Variants in BAIAP2 observed in about 807,000 individuals in gnomAD.
BAIAP2 encodes the protein BAR/IMD domain containing adaptor protein 2.
A neutral mutation model predicts 63.0 loss-of-function variants in BAIAP2; 18 were observed. The observed-to-expected ratio is 0.29, with a 90% CI of 0.20 to 0.42. The LOEUF is 0.42. Among genes scored for constraint, BAIAP2 ranks in the 10% least tolerant of loss-of-function variants. BAIAP2 has a pLI of 1.00. For missense variants in BAIAP2, 610 were observed against 734.3 expected (o/e 0.83, Z 1.96); for synonymous variants, 386 against 307.6 (o/e 1.25, Z -2.67).
At chr17:81,090,394 G>C (rs1303977030) in intron 6 of BAIAP2, among the ~76,000 whole-genome samples, 1 of 151,570 alleles carries the variant, frequency 6.6e-6, no homozygotes, top group Non-Finnish European at 1.5e-5. Context: ...TCCTTCCTCT[G>C]TCAATGGGAG....
intron 13 of BAIAP2, among the ~76,000 whole-genome samples, chr17:81,113,914 G>T (rs141656677): frequency 6.6e-6 from 1 of 151,660 alleles, no homozygotes; most frequent in Non-Finnish European, 1.5e-5. Flanking sequence ...CACTGCCCTC[G>T]GCTGTGGTCT....
At chr17:81,103,475 C>T (rs1185177745) in intron 7 of BAIAP2, 27 bp from the exon 8 acceptor site, 1 of 1,540,104 alleles carries the variant, frequency 6.5e-7, no homozygotes, top group Non-Finnish European at 8.7e-7. Context: ...GGCCCTGACC[C>T]CTCCCTTCCT....
intron 3 of BAIAP2, among the ~76,000 whole-genome samples, chr17:81,081,231 A>G (rs112139271): frequency 2.6e-5 from 4 of 152,314 alleles, no homozygotes; most frequent in African/African-American, 9.6e-5. Context: ...CGTGGTGTCC[A>G]TCCTGGGAAT....
At position 81,099,948 on chromosome 17, in the gene BAIAP2, C is replaced by T. The variant is rs762140948; in HGVS notation, c.510C>T (p.Asn170=). The change falls in exon 7 of 14, where the codon AAC becomes AAT. Residue 170 remains asparagine (N), a synonymous_variant. Transcript: ENST00000428708. ...KELQYIDAIS[N]KQGELENYVS... is the part of the protein sequence containing the mutation. Reference sequence around the variant, plus strand: ...CACAGTACATCGACGCCATCAGCAACAAGCAGGGCGAGCTGGAGAATTACG... The same window carrying T: ...CACAGTACATCGACGCCATCAGCAATAAGCAGGGCGAGCTGGAGAATTACG... 2.5e-6 allele frequency: 4 copies of T among 1,613,296 alleles called. No homozygotes were observed. In the African/African-American group the frequency reaches 4.0e-5, roughly 16 times the overall value.
At chr17:81,114,164 G>T (rs1302756468) in intron 13 of BAIAP2, among the ~76,000 whole-genome samples, 2 of 143,420 alleles carry the variant, frequency 1.4e-5, no homozygotes, top group African/African-American at 5.3e-5. Flanking sequence ...TTGTAGAGAC[G>T]GGTACGCTTT....
intron 3 of BAIAP2, among the ~76,000 whole-genome samples, chr17:81,080,731 C>T (rs1404237247): frequency 2.0e-5 from 3 of 152,082 alleles, no homozygotes; most frequent in East Asian, 1.9e-4. Flanking sequence ...CAGAATGTGG[C>T]GGGAACCAGG....
At chr17:81,102,620 A>G (rs1207642080) in intron 7 of BAIAP2, among the ~76,000 whole-genome samples, 1 of 152,212 alleles carries the variant, frequency 6.6e-6, no homozygotes, top group Admixed American at 6.5e-5. Flanking sequence ...AGCCAGCAGC[A>G]GAGGGGTAGG....
intron 1 of BAIAP2, chr17:81,053,424 G>T (rs762126538): frequency 1.5e-5 from 8 of 542,374 alleles, no homozygotes; most frequent in Non-Finnish European, 2.6e-5. Flanking sequence ...ACTCCTCTGC[G>T]GCCGGGTTTC....
rs1471205667 is a variant in BAIAP2 at position 81,116,358 on chromosome 17, T to C, written c.*519T>C. The C allele has an allele frequency of 4.4e-6, 7 of 1,604,432 alleles. No homozygotes were observed. In the African/African-American group the frequency reaches 8.0e-5, roughly 18 times the overall value. ...AGGTCCGGCAGCTACACCTGGAGTGTGGGGCCTGGTCCCTCCCCATGCCCC... is the reference window on the plus strand; with the variant it reads ...AGGTCCGGCAGCTACACCTGGAGTGCGGGGCCTGGTCCCTCCCCATGCCCC... On this transcript the variant is annotated 3_prime_UTR_variant, in exon 14 of 14. Transcript: ENST00000428708.
In BAIAP2 at chr17:81,057,951, G is replaced by C. The variant is rs1159158244; in HGVS notation, c.201G>C (p.Gln67His). Residue 67 changes from glutamine to histidine, a missense_variant, in exon 3 of 14, where the codon CAG becomes CAC. Coordinates refer to ENST00000428708, the MANE Select transcript of BAIAP2 (RefSeq NM_001144888.2). ...VKMGELASES[Q>H]GSKELGDVLF... The stretch of plus-strand genomic sequence containing the variant: ...TGGGGGAGCTGGCCAGCGAGAGCCA[G>C]GGCTCCAAAGAACTCGGTGAGACCC... The C allele has an allele frequency of 6.5e-7, 1 of 1,531,728 alleles. No individual in the cohort carries two copies. The highest frequency in any genetic ancestry group is 1.4e-5 in the African/African-American group (1 of 69,470). 94.9% of individuals were successfully genotyped at this position (1,531,728 alleles called of 1,614,324 possible).
At chr17:81,039,930 G>C (rs1598477393) in intron 1 of BAIAP2, among the ~76,000 whole-genome samples, 1 of 152,340 alleles carries the variant, frequency 6.6e-6, no homozygotes, top group South Asian at 2.1e-4. Flanking sequence ...CTTCTCCCCA[G>C]TTCACAGGTC....
At chr17:81,076,083 G>T (rs1598653172) in intron 3 of BAIAP2, among the ~76,000 whole-genome samples, 1 of 152,176 alleles carries the variant, frequency 6.6e-6, no homozygotes, top group South Asian at 2.1e-4. Flanking sequence ...TGAGGCAGGG[G>T]CTCCCCAGAG....
chr17:81,067,083 C>T (rs967266673), intron 3 of BAIAP2, among the ~76,000 whole-genome samples: 1 of 152,254 alleles, frequency 6.6e-6, no homozygotes, highest in Admixed American at 6.5e-5. Context: ...GAGAGGGAAG[C>T]GAGATGCCCC....
intron 3 of BAIAP2, chr17:81,076,527 A>G (rs1598655376): frequency 6.6e-6 from 1 of 152,182 alleles, no homozygotes; most frequent in Admixed American, 6.5e-5. Context: ...AGGAAGACAG[A>G]TGGTGTGCAG....
chr17:81,057,972 G>GGGGGGGGGGGGGGCCCCCC lies in BAIAP2; in HGVS notation c.217+5_217+6insGGGGGGGGGGGGGCCCCCC. On this transcript the variant is annotated splice_donor_region_variant and intron_variant, in intron 3 of 13. Coordinates refer to ENST00000428708, the MANE Select transcript of BAIAP2 (RefSeq NM_001144888.2). ...GCCAGGGCTCCAAAGAACTCGGTGAGACCCCCCCCCCCCCCCCGCCTGGTA... is the reference window on the plus strand; with the variant it reads ...GCCAGGGCTCCAAAGAACTCGGTGAGGGGGGGGGGGGGGCCCCCCACCCCCCCCCCCCCCCCGCCTGGTA... The GGGGGGGGGGGGGGCCCCCC allele has an allele frequency of 1.1e-6, 1 of 911,328 alleles. No homozygotes were observed. The allele number at this position is 911,328 out of a possible 1,614,324, so 56.5% of individuals were successfully genotyped here.
chr17:81,074,534 T>TGC (rs1239941969), intron 3 of BAIAP2, among the ~76,000 whole-genome samples: 1 of 150,736 alleles, frequency 6.6e-6, no homozygotes, highest in African/African-American at 2.5e-5. Flanking sequence ...CCTGTGTGTG[T>TGC]GCACGTGCAC....
intron 1 of BAIAP2, among the ~76,000 whole-genome samples, chr17:81,042,905 A>G (rs970108975): frequency 6.0e-5 from 9 of 150,850 alleles, no homozygotes; most frequent in Non-Finnish European, 1.0e-4. Context: ...TTTATTTAAG[A>G]CAGAGTCTTG....
chr17:81,071,060 G>A (rs1459687020), intron 3 of BAIAP2, among the ~76,000 whole-genome samples: 1 of 151,832 alleles, frequency 6.6e-6, no homozygotes, highest in East Asian at 1.9e-4. Context: ...TGGGGAAGCA[G>A]CGTCAGCTAC....
In BAIAP2 at chr17:81,106,670, C is replaced by G. The variant is rs960190161; in HGVS notation, c.1338-75C>G. 5 of 1,577,636 alleles carry G rather than the reference C, an allele frequency of 3.2e-6. No homozygotes were observed. In the South Asian group the frequency reaches 5.6e-5, roughly 18 times the overall value. ...CGTGGGCTAGGTGAGGGCGGGCAGT[C>G]CAGGGAGCCACAGGGTTGTGGGGTG... On this transcript the variant is annotated intron_variant, in intron 11 of 13. Coordinates refer to ENST00000428708, the MANE Select transcript of BAIAP2 (RefSeq NM_001144888.2).
Sources: allele counts gnomAD v4.1 joint callset (sites outside exome capture counted in the v4.1 genomes callset), GRCh38; gene constraint gnomAD v4.1.1; transcripts MANE v1.5; gene names NCBI Gene and HGNC (gene_info 2026-07-23, HGNC 2026-07-21).